The following COG5 variants were observed in gnomAD, a reference collection of about 807,000 sequenced individuals.
COG5 encodes component of oligomeric golgi complex 5, also known as conserved oligomeric Golgi complex subunit 5.
A neutral mutation model predicts 110.4 loss-of-function variants in COG5; 86 were observed. The ratio of observed to expected loss-of-function variants is 0.78; its 90% CI spans 0.65 to 0.93. The LOEUF (loss-of-function observed/expected upper bound fraction) is 0.93, where lower values mean the gene tolerates loss of function less well. Ranked by LOEUF, COG5 falls within the 40% of genes least tolerant of loss-of-function variation. The probability of loss-of-function intolerance (pLI) is 0.00; values close to 1 mark genes in which losing one functional copy is unlikely to be tolerated. For missense variants in COG5, 1,077 were observed against 987.0 expected (o/e 1.09, Z -1.22); for synonymous variants, 360 against 334.6 (o/e 1.08, Z -0.83).
intron 5 of COG5, among the ~76,000 whole-genome samples, chr7:107,546,567 C>T (rs2129172066): frequency 6.6e-6 from 1 of 151,096 alleles, no homozygotes; most frequent in East Asian, 1.9e-4. Flanking sequence ...TCCCGAGTAT[C>T]TGGGACTACA....
chr7:107,369,666 G>A (rs1584739022), intron 8 of COG5, among the ~76,000 whole-genome samples: 1 of 152,114 alleles, frequency 6.6e-6, no homozygotes, highest in Admixed American at 6.5e-5. Flanking sequence ...TGGGATTACA[G>A]GCATGAGCCA....
At chr7:107,290,856 A>G (rs1806108065) in intron 12 of COG5, among the ~76,000 whole-genome samples, 1 of 152,154 alleles carries the variant, frequency 6.6e-6, no homozygotes, top group East Asian at 1.9e-4. Flanking sequence ...GGGTCTCACT[A>G]TGTTGCCCAG....
At chr7:107,239,537 T>C (rs1272084418) in intron 17 of COG5, among the ~76,000 whole-genome samples, 1 of 152,224 alleles carries the variant, frequency 6.6e-6, no homozygotes, top group Non-Finnish European at 1.5e-5. Flanking sequence ...TGAAGGCTGG[T>C]TTGGGTAGTA....
chr7:107,258,020 C>T lies in COG5; in HGVS notation c.1686+253G>A, dbSNP rs145862124. Among the ~76,000 whole-genome samples, 1,289 of 152,178 alleles carry T rather than the reference C, an allele frequency of 8.5e-3. 25 individuals are homozygous for T. The highest frequency in any genetic ancestry group is 0.028 in the African/African-American group (1,177 of 41,514). ...GTATGATCTGTCCTCCAATAATTTG[C>T]TCAATAAACTTAATTAACTTGAGGA... is the stretch of plus-strand genomic sequence containing the variant. On this transcript the variant is annotated intron_variant, in intron 15 of 21. Coordinates refer to ENST00000297135, the MANE Select transcript of COG5 (RefSeq NM_006348.5).
intron 6 of COG5, among the ~76,000 whole-genome samples, chr7:107,417,796 T>A (rs1287789013): frequency 6.6e-6 from 1 of 152,144 alleles, no homozygotes; most frequent in Non-Finnish European, 1.5e-5. Context: ...GAATACTGTT[T>A]ATTAACTATA....
intron 1 of COG5, among the ~76,000 whole-genome samples, chr7:107,560,125 T>C (rs1011416381): frequency 2.0e-5 from 3 of 152,218 alleles, no homozygotes; most frequent in Non-Finnish European, 2.9e-5. Context: ...ACTGTTACAT[T>C]TTCAGGAATT....
chr7:107,383,087 A>G (rs750659586), intron 7 of COG5, among the ~76,000 whole-genome samples: 2 of 152,154 alleles, frequency 1.3e-5, no homozygotes, highest in Non-Finnish European at 2.9e-5. Context: ...AGACCAAGGG[A>G]GCTAACCAAA....
chr7:107,249,951 T>C (rs1477877620), intron 16 of COG5, among the ~76,000 whole-genome samples: 11 of 152,050 alleles, frequency 7.2e-5, no homozygotes, highest in Admixed American at 7.2e-4. Context: ...ACATTCAGTA[T>C]ATATGGAGTA....
At chr7:107,554,248 A>G (rs1563097741) in intron 3 of COG5, 37 bp downstream of exon 3, 4 of 1,585,720 alleles carry the variant, frequency 2.5e-6, no homozygotes, top group Non-Finnish European at 3.5e-6. Flanking sequence ...TCCCTGGTCT[A>G]GCTCTACATA....
intron 6 of COG5, among the ~76,000 whole-genome samples, chr7:107,508,694 C>T (rs567629951): frequency 7.2e-5 from 11 of 152,272 alleles, no homozygotes; most frequent in Admixed American, 2.0e-4. Flanking sequence ...TCCAGAGGAA[C>T]GATCAGGCAG....
At chr7:107,264,436 T>G (rs1470536068) in intron 14 of COG5, among the ~76,000 whole-genome samples, 1 of 152,122 alleles carries the variant, frequency 6.6e-6, no homozygotes, top group Non-Finnish European at 1.5e-5. Flanking sequence ...CTCATACCTG[T>G]AATCCTAGCC....
At chr7:107,518,017 A>G (rs1489346241) in intron 6 of COG5, among the ~76,000 whole-genome samples, 4 of 152,094 alleles carry the variant, frequency 2.6e-5, no homozygotes. Context: ...AAAGAGAAGA[A>G]TTTTCAACCC....
rs906116599 is a variant in COG5 at position 107,256,725 on chromosome 7, C to A, written c.1749+7G>T. 3 of 1,597,600 alleles carry A rather than the reference C, an allele frequency of 1.9e-6. No homozygotes were observed. Among genetic ancestry groups the A allele is most frequent in the South Asian group, 1.1e-5 (1 of 90,278 alleles). ...GATCTATAGAGTCAAAGATTAAATTCTTTTACCTTTAGAGCTGAAATTATA... is the reference window on the plus strand; with the variant it reads ...GATCTATAGAGTCAAAGATTAAATTATTTTACCTTTAGAGCTGAAATTATA... On this transcript the variant is annotated splice_region_variant and intron_variant, in intron 16 of 21. Coordinates refer to ENST00000297135, the MANE Select transcript of COG5 (RefSeq NM_006348.5).
chr7:107,260,543 CAT>C (rs1803250305), intron 14 of COG5, among the ~76,000 whole-genome samples: 1 of 152,034 alleles, frequency 6.6e-6, no homozygotes, highest in African/African-American at 2.4e-5. Context: ...AGTTATACGA[CAT>C]GTGAATTATA....
chr7:107,530,062 A>T (rs571622151), intron 5 of COG5, among the ~76,000 whole-genome samples: 1 of 152,302 alleles, frequency 6.6e-6, no homozygotes, highest in Non-Finnish European at 1.5e-5. Flanking sequence ...CTACCCAACA[A>T]AGGGTATGCT....
chr7:107,243,730 AC>A (rs1287594963), intron 17 of COG5, among the ~76,000 whole-genome samples: 1 of 145,804 alleles, frequency 6.9e-6, no homozygotes, highest in East Asian at 2.0e-4. Context: ...TCTTCTCATC[AC>A]CACGTCACAT....
chr7:107,417,734 G>A (rs1792973985), intron 6 of COG5, among the ~76,000 whole-genome samples: 1 of 152,020 alleles, frequency 6.6e-6, no homozygotes, highest in Non-Finnish European at 1.5e-5. Context: ...TATTATATAT[G>A]CTTCTATAAG....
chr7:107,372,817 C>G (rs1457324924), intron 7 of COG5, 57 bp from the exon 8 acceptor site: 2 of 1,545,806 alleles, frequency 1.3e-6, no homozygotes, highest in Non-Finnish European at 1.8e-6. Flanking sequence ...CAAACAAAAT[C>G]AACATAAATA....
intron 6 of COG5, among the ~76,000 whole-genome samples, chr7:107,444,907 G>A (rs1273521380): frequency 6.6e-6 from 1 of 152,116 alleles, no homozygotes; most frequent in Non-Finnish European, 1.5e-5. Context: ...AGAAATGTAG[G>A]GCAAGCGTAG....
Sources: gnomAD v4.1 joint callset for allele counts (sites outside exome capture counted in the v4.1 genomes callset) on GRCh38, gnomAD v4.1.1 for gene constraint, MANE v1.5 for transcripts, NCBI Gene and HGNC (gene_info 2026-07-23, HGNC 2026-07-21) for gene names.